Variants in COL6A6 observed in about 807,000 individuals in gnomAD.
COL6A6 encodes the protein collagen alpha-6(VI) chain.
COL6A6 carries 183 observed loss-of-function variants against 208.6 expected under a neutral mutation model. The observed-to-expected ratio is 0.88, with a 90% CI of 0.78 to 0.99. The LOEUF (loss-of-function observed/expected upper bound fraction) is 0.99, where lower values mean the gene tolerates loss of function less well. Among genes scored for constraint, COL6A6 ranks in the 50% least tolerant of loss-of-function variants. COL6A6 has a pLI of 0.00. For synonymous variants in COL6A6, 973 were observed against 1,011.8 expected, an observed-to-expected ratio of 0.96 and a Z score of 0.73; for missense variants, 2,816 against 2,815.2, an observed-to-expected ratio of 1.00 and a Z score of -0.01.
chr3:130,649,661 A>G, intron 33 of COL6A6, 99 bp downstream of exon 33: 1 of 1,315,958 alleles, frequency 7.6e-7, no homozygotes, highest in Non-Finnish European at 1.0e-6. Context: ...GCCATTTGTT[A>G]GGAAGTTTAA....
intron 36 of COL6A6, among the ~76,000 whole-genome samples, chr3:130,670,194 C>G (rs1449166822): frequency 6.6e-6 from 1 of 152,194 alleles, no homozygotes; most frequent in African/African-American, 2.4e-5. Flanking sequence ...CAGGGCTCCC[C>G]GTGCTGCAGG....
intron 33 of COL6A6, 126 bp downstream of exon 33, chr3:130,649,688 A>G (rs1217594102): frequency 5.1e-6 from 5 of 973,254 alleles, no homozygotes; most frequent in Non-Finnish European, 7.4e-6. Context: ...CTGGATTGGC[A>G]GAGTAGAATA....
chr3:130,535,066 C>G (rs1302105831), intron 1 of COL6A6, among the ~76,000 whole-genome samples: 2 of 152,046 alleles, frequency 1.3e-5, no homozygotes, highest in Non-Finnish European at 2.9e-5. Flanking sequence ...TAGTATTTTC[C>G]TTCAGTTCTG....
At chr3:130,628,039 A>G (rs2064943207) in intron 26 of COL6A6, among the ~76,000 whole-genome samples, 1 of 152,266 alleles carries the variant, frequency 6.6e-6, no homozygotes, top group African/African-American at 2.4e-5. Flanking sequence ...ACTTCAATAA[A>G]TGGAGAGGCA....
chr3:130,547,922 C>G (rs920374522), intron 1 of COL6A6, among the ~76,000 whole-genome samples: 2 of 152,186 alleles, frequency 1.3e-5, no homozygotes, highest in African/African-American at 4.8e-5. Context: ...CTCAGCCTCC[C>G]GAGTAGCTGG....
intron 34 of COL6A6, among the ~76,000 whole-genome samples, chr3:130,659,413 AAG>A (rs1362065792): frequency 6.6e-6 from 1 of 152,220 alleles, no homozygotes; most frequent in Non-Finnish European, 1.5e-5. Context: ...TGTAATAGCT[AAG>A]AGATATAAAG....
intron 23 of COL6A6, among the ~76,000 whole-genome samples, chr3:130,620,495 C>A (rs1457107644): frequency 6.6e-6 from 1 of 152,050 alleles, no homozygotes; most frequent in Non-Finnish European, 1.5e-5. Flanking sequence ...CTGGACTGAA[C>A]ATGAAAGTCA....
chr3:130,540,306 T>C (rs1401288979), intron 1 of COL6A6, among the ~76,000 whole-genome samples: 1 of 152,200 alleles, frequency 6.6e-6, no homozygotes, highest in Admixed American at 6.5e-5. Context: ...CAGCGTGGGA[T>C]ATCTGTCACA....
chr3:130,654,373 T>C (rs971856084), intron 33 of COL6A6, among the ~76,000 whole-genome samples: 3 of 152,242 alleles, frequency 2.0e-5, no homozygotes, highest in Non-Finnish European at 4.4e-5. Flanking sequence ...TGAGCTATGC[T>C]GTCTGAACTG....
At chr3:130,549,418 G>A (rs887767050) in intron 1 of COL6A6, among the ~76,000 whole-genome samples, 1 of 152,110 alleles carries the variant, frequency 6.6e-6, no homozygotes, top group Non-Finnish European at 1.5e-5. Context: ...TCAATTTTTG[G>A]TTTTGTTGCA....
At chr3:130,527,890 C>CTTTTTT (rs56110472) in intron 1 of COL6A6, among the ~76,000 whole-genome samples, 14 of 57,834 alleles carry the variant, frequency 2.4e-4, no homozygotes, top group South Asian at 6.3e-4. Context: ...GTTACTTTTC[C>CTTTTTT]TTTTTTTTTT....
intron 25 of COL6A6, among the ~76,000 whole-genome samples, chr3:130,627,071 A>T (rs1252820481): frequency 6.6e-6 from 1 of 152,186 alleles, no homozygotes; most frequent in East Asian, 1.9e-4. Flanking sequence ...ACAACCCATG[A>T]GTAGGTATAA....
Position 130,571,100 on chromosome 3 carries a change from C to T in COL6A6, c.2684C>T (p.Ser895Leu). 1 of 1,613,896 alleles carries T rather than the reference C, an allele frequency of 6.2e-7. No homozygotes were observed. ...STYTAEALGF[S>L]DHMFTEARGS... Reference sequence around the variant, plus strand: ...TATACTGCTGAGGCACTGGGCTTCTCAGACCACATGTTCACTGAAGCCCGG... The same window carrying T: ...TATACTGCTGAGGCACTGGGCTTCTTAGACCACATGTTCACTGAAGCCCGG... Residue 895 changes from serine (S) to leucine (L), a missense_variant, in exon 7 of 37, where the codon TCA (serine) becomes TTA (leucine). Coordinates refer to ENST00000358511, the MANE Select transcript of COL6A6 (RefSeq NM_001102608.3).
chr3:130,560,425 T>G lies in COL6A6; in HGVS notation c.61T>G (p.Ser21Ala), dbSNP rs2062857371. 6.2e-7 allele frequency: 1 copy of G among 1,610,086 alleles called. No homozygotes were observed. Among genetic ancestry groups the G allele is most frequent in the Non-Finnish European group, 8.5e-7 (1 of 1,177,812 alleles). Residue 21 changes from serine (S) to alanine (A), a missense_variant, in exon 2 of 37, where the codon TCC (serine) becomes GCC (alanine). By Grantham distance (99) the Ser-to-Ala change is moderately conservative (BLOSUM62 1). Coordinates refer to ENST00000358511, the MANE Select transcript of COL6A6 (RefSeq NM_001102608.3). ...TTCCCATATTTCTGTGAACCAAGAT[T>G]CCGGTAAGGAAAAACTGGAAAGAAT... ...ICSHISVNQD[S>A]GPEYADVVFL...
rs1164081165 is a variant in COL6A6, at chr3:130,608,927, A to G, written c.4715A>G (p.Asp1572Gly). Reference protein sequence around the residue: ...PQGTAGIPGPDGLEGSLGLKG... With the variant: ...PQGTAGIPGPGGLEGSLGLKG... The stretch of plus-strand genomic sequence containing the variant: ...GGAACAGCAGGCATCCCAGGACCAG[A>G]TGGACTTGAAGGCTCCCTGGGACTT... Residue 1572 changes from aspartate (D) to glycine (G), a missense_variant, in exon 22 of 37, where the codon GAT (aspartate) becomes GGT (glycine). Coordinates refer to ENST00000358511, the MANE Select transcript of COL6A6 (RefSeq NM_001102608.3). The G allele has an allele frequency of 6.2e-7, 1 of 1,613,424 alleles. No individual in the cohort carries two copies. Among genetic ancestry groups the G allele is most frequent in the Non-Finnish European group, 8.5e-7 (1 of 1,179,716 alleles).
chr3:130,617,795 G>A (rs1334470442), intron 23 of COL6A6, among the ~76,000 whole-genome samples: 3 of 152,140 alleles, frequency 2.0e-5, no homozygotes, highest in African/African-American at 7.2e-5. Flanking sequence ...TTCCTTTTAA[G>A]TGTGGGAACA....
In COL6A6 at chr3:130,563,641, C is replaced by G. The variant is rs1392254168; in HGVS notation, c.638C>G (p.Ala213Gly). 1 of 1,610,386 alleles carries G rather than the reference C, an allele frequency of 6.2e-7. No individual in the cohort carries two copies. Among genetic ancestry groups the G allele is most frequent in the Admixed American group, 1.7e-5 (1 of 59,944 alleles). Reference sequence around the variant, plus strand: ...GATGTAATAAAGTACAAGGAGGGAGCAGTTGATGACATCTTTGTAGAAGGT... The same window carrying G: ...GATGTAATAAAGTACAAGGAGGGAGGAGTTGATGACATCTTTGTAGAAGGT... ...IKDVIKYKEGAVDDIFVEACQ... is the reference protein window; with the variant it reads ...IKDVIKYKEGGVDDIFVEACQ... The change falls in exon 3 of 37, where the codon GCA becomes GGA. Residue 213 changes from alanine (A) to glycine (G), a missense_variant. Coordinates refer to ENST00000358511, the MANE Select transcript of COL6A6 (RefSeq NM_001102608.3).
chr3:130,675,633 G>C lies in COL6A6; in HGVS notation c.*236G>C. 2.6e-6 allele frequency: 1 copy of C among 384,028 alleles called. No homozygotes were observed. The highest frequency in any genetic ancestry group is 4.1e-5 in the Admixed American group (1 of 24,688). 23.8% of individuals were successfully genotyped at this position (384,028 alleles called of 1,614,324 possible). ...TTCATTAGAAGACAGAAGAATGAAAGAAGTGTTTTGAAAAGTCTAATGGAG... is the reference window on the plus strand; with the variant it reads ...TTCATTAGAAGACAGAAGAATGAAACAAGTGTTTTGAAAAGTCTAATGGAG... On this transcript the variant is annotated 3_prime_UTR_variant, in exon 37 of 37. Transcript: ENST00000358511.
At chr3:130,566,572 A>G in intron 4 of COL6A6, 130 bp from the exon 5 acceptor site, 2 of 705,092 alleles carry the variant, frequency 2.8e-6, no homozygotes, top group Non-Finnish European at 4.6e-6. Flanking sequence ...CAAAGCATGT[A>G]TTTTAAGCCT....
Sources: allele counts gnomAD v4.1 joint callset (sites outside exome capture counted in the v4.1 genomes callset), GRCh38; gene constraint gnomAD v4.1.1; transcripts MANE v1.5; gene names NCBI Gene and HGNC (gene_info 2026-07-23, HGNC 2026-07-21).